The following CDKL5 variants were observed in gnomAD, a reference collection of about 807,000 sequenced individuals.
The protein encoded by CDKL5 is cyclin-dependent kinase-like 5.
In CDKL5, 8 loss-of-function variants were observed where a neutral mutation model predicts 61.7. The ratio of observed to expected loss-of-function variants is 0.13; its 90% CI spans 0.08 to 0.23. The LOEUF (loss-of-function observed/expected upper bound fraction) is 0.23, where lower values mean the gene tolerates loss of function less well. CDKL5 is among the 10% of genes least tolerant of loss of function. The probability of loss-of-function intolerance (pLI) is 1.00; values close to 1 mark genes in which losing one functional copy is unlikely to be tolerated. For missense variants in CDKL5, 440 were observed against 734.5 expected (o/e 0.60, Z 4.63); for synonymous variants, 275 against 272.3 (o/e 1.01, Z -0.10).
At chrX:18,605,949 C>T (rs912609506) in intron 12 of CDKL5, among the ~76,000 whole-genome samples, 2 of 111,790 alleles carry the variant, frequency 1.8e-5, no homozygotes, top group African/African-American at 3.3e-5. Context: ...TTTGGGAGGC[C>T]GAGGCAGGCA....
chrX:18,643,183 T>C, downstream of CDKL5, among the ~76,000 whole-genome samples: 1 of 111,671 alleles, frequency 9.0e-6, no homozygotes, highest in African/African-American at 3.2e-5. Flanking sequence ...TTGACGCCAT[T>C]TCCAAAGAAA....
rs1326036381 is a variant in CDKL5, at chrX:18,629,082, T to G, written c.*325T>G. 19 of 825,002 alleles carry G rather than the reference T, an allele frequency of 2.3e-5. No individual in the cohort carries two copies. Among genetic ancestry groups the G allele is most frequent in the Non-Finnish European group, 2.6e-5 (18 of 685,662 alleles). The allele number at this position is 825,002 out of a possible 1,213,427, so 68.0% of individuals were successfully genotyped here. On this transcript the variant is annotated 3_prime_UTR_variant, in exon 18 of 18. Coordinates refer to ENST00000623535, the MANE Select transcript of CDKL5 (RefSeq NM_001323289.2). Reference sequence around the variant, plus strand: ...ATTCCAGCTTTAGTGCAATCTCTGTTGAACTTGGGAATGCCAGGATGTGTC... The same window carrying G: ...ATTCCAGCTTTAGTGCAATCTCTGTGGAACTTGGGAATGCCAGGATGTGTC...
chrX:18,629,009 A>T lies in CDKL5; in HGVS notation c.*252A>T. The T allele has an allele frequency of 1.1e-6, 1 of 946,903 alleles. No homozygotes were observed. The highest frequency in any genetic ancestry group is 1.3e-6 in the Non-Finnish European group (1 of 761,334). 78.0% of individuals were successfully genotyped at this position (946,903 alleles called of 1,213,427 possible). On this transcript the variant is annotated 3_prime_UTR_variant, in exon 18 of 18. Coordinates refer to ENST00000623535, the MANE Select transcript of CDKL5 (RefSeq NM_001323289.2). ...ACAGGTCTTGTGTGAGAATAGATAG[A>T]GTGTGCCATTGAGGAAGAAGAAATT...
intron 1 of CDKL5, chrX:18,443,682 G>C (rs1187533499): frequency 8.9e-6 from 1 of 111,935 alleles, no homozygotes; most frequent in African/African-American, 3.2e-5. Flanking sequence ...ATTAAGCCCA[G>C]TACCCAATAG....
intron 1 of CDKL5, among the ~76,000 whole-genome samples, chrX:18,427,715 A>G (rs1286008480): frequency 3.6e-5 from 4 of 111,574 alleles, no homozygotes; most frequent in African/African-American, 9.8e-5. Flanking sequence ...AAAATCCGAT[A>G]TATTTTTTTT....
chrX:18,565,226 T>A (rs1194770659), intron 4 of CDKL5, among the ~76,000 whole-genome samples: 2 of 111,877 alleles, frequency 1.8e-5, no homozygotes, highest in Non-Finnish European at 3.8e-5. Context: ...GGTATGGCCT[T>A]TAAGGTGCTC....
At chrX:18,539,315 C>G (rs1172998908) in intron 3 of CDKL5, among the ~76,000 whole-genome samples, 1 of 111,653 alleles carries the variant, frequency 9.0e-6, no homozygotes, top group Non-Finnish European at 1.9e-5. Context: ...GTAACCTTCT[C>G]TCTTTTTAAA....
chrX:18,643,226 C>T (rs1300771874), downstream of CDKL5, among the ~76,000 whole-genome samples: 1 of 111,837 alleles, frequency 8.9e-6, no homozygotes, highest in African/African-American at 3.3e-5. Flanking sequence ...AGTCATGGTG[C>T]TCTGCCTGAT....
intron 17 of CDKL5, chrX:18,626,711 TCTCTCTCTCTCTCC>T (rs1254413330): frequency 2.6e-4 from 11 of 42,420 alleles, no homozygotes; most frequent in South Asian, 2.4e-3. Flanking sequence ...TCTCTCTCTC[TCTCTCTCTCTCTCC>T]CCCCTCTCTC....
At chrX:18,558,387 T>G (rs1372370341) in intron 3 of CDKL5, among the ~76,000 whole-genome samples, 1 of 111,657 alleles carries the variant, frequency 9.0e-6, no homozygotes, top group African/African-American at 3.3e-5. Flanking sequence ...TCAGAGTTAT[T>G]TTTTGTATGT....
Position 18,587,955 on chromosome X carries a change from G to A in CDKL5, c.556G>A (p.Ala186Thr), listed in dbSNP as rs765304446. The A allele has an allele frequency of 3.3e-6, 4 of 1,206,526 alleles. No individual in the cohort carries two copies. The highest frequency in any genetic ancestry group is 4.5e-6 in the Non-Finnish European group (4 of 891,324). Reference sequence around the variant, plus strand: ...ATAATCTCTTCCTTTATTTTTCAGCGCTCCCTATGGAAAGTCCGTGGACAT... The same window carrying A: ...ATAATCTCTTCCTTTATTTTTCAGCACTCCCTATGGAAAGTCCGTGGACAT... ...WYRSPELLLGAPYGKSVDMWS... is the reference protein window; with the variant it reads ...WYRSPELLLGTPYGKSVDMWS... The change falls in exon 9 of 18, where the codon GCT (alanine) becomes ACT (threonine). Residue 186 changes from alanine (A) to threonine (T), a missense_variant and splice_region_variant. Physicochemically the swap from Ala to Thr is moderately conservative, Grantham distance 58. This residue lies in a region of CDKL5 where 77 missense variants were observed against 218.2 expected (regional missense o/e 0.35). Coordinates refer to ENST00000623535, the MANE Select transcript of CDKL5 (RefSeq NM_001323289.2).
In CDKL5 at chrX:18,629,454, ATAAT is replaced by A. The variant is rs1927172250; in HGVS notation, c.*698_*701del. ...GCATCAGGAGTATTTTATTCTATAT[ATAAT>A]ATATATATATGGTAAATATCTGTTT... is the stretch of plus-strand genomic sequence containing the variant. On this transcript the variant is annotated 3_prime_UTR_variant, in exon 18 of 18. Transcript: ENST00000623535. The A allele has an allele frequency of 1.9e-6, 1 of 530,251 alleles. No individual in the cohort carries two copies. The highest frequency in any genetic ancestry group is 9.2e-5 in the Admixed American group (1 of 10,866). The allele number at this position is 530,251 out of a possible 1,213,427, so 43.7% of individuals were successfully genotyped here. A position where few individuals can be genotyped will look rare whatever the true frequency, so the allele number is the denominator to read the frequency against.
At chrX:18,518,828 T>C (rs1368476897) in intron 3 of CDKL5, among the ~76,000 whole-genome samples, 2 of 109,951 alleles carry the variant, frequency 1.8e-5, no homozygotes, top group Non-Finnish European at 3.8e-5. Flanking sequence ...ATTTCTCCAT[T>C]GAAGCCTGCC....
chrX:18,649,095 G>A (rs1283556699), intron 20 of CDKL5, among the ~76,000 whole-genome samples: 4 of 107,447 alleles, frequency 3.7e-5, no homozygotes, highest in African/African-American at 1.0e-4. Flanking sequence ...ATAACCTTAA[G>A]TATTATAACT....
chrX:18,524,610 G>T (rs1923364813), intron 3 of CDKL5, among the ~76,000 whole-genome samples: 1 of 111,954 alleles, frequency 8.9e-6, no homozygotes, highest in African/African-American at 3.3e-5. Flanking sequence ...TAATTTTAAT[G>T]AAATCCTACT....
intron 1 of CDKL5, among the ~76,000 whole-genome samples, chrX:18,445,027 T>C (rs1036692473): frequency 4.3e-4 from 48 of 110,614 alleles, no homozygotes; most frequent in Non-Finnish European, 7.9e-4. Flanking sequence ...AAATTTTGAC[T>C]CCATATTTGT....
At chrX:18,434,405 G>T (rs1024535195) in intron 1 of CDKL5, among the ~76,000 whole-genome samples, 7 of 111,301 alleles carry the variant, frequency 6.3e-5, no homozygotes, top group Non-Finnish European at 1.3e-4. Context: ...TGGCAAACAG[G>T]TTAGACACAC....
chrX:18,598,651 T>TGGTCTTACAAGTAGGTGGAGGAGGTG, intron 11 of CDKL5, 38 bp downstream of exon 11: 1 of 1,166,276 alleles, frequency 8.6e-7, no homozygotes, highest in Non-Finnish European at 1.2e-6. Flanking sequence ...GATGCAGTGT[T>TGGTCTTACAAGTAGGTGGAGGAGGTG]GGTCTTACAA....
chrX:18,431,326 A>G, intron 1 of CDKL5, among the ~76,000 whole-genome samples: 1 of 112,202 alleles, frequency 8.9e-6, no homozygotes, highest in Non-Finnish European at 1.9e-5. Flanking sequence ...AGTGCTGATG[A>G]ATACTGTAGA....
Sources: allele counts gnomAD v4.1 joint callset (sites outside exome capture counted in the v4.1 genomes callset), GRCh38; gene constraint gnomAD v4.1.1; regional missense constraint gnomAD v4.1.1; transcripts MANE v1.5; gene names NCBI Gene and HGNC (gene_info 2026-07-23, HGNC 2026-07-21).